KANSL1: variants seen among roughly 807,000 people sequenced by gnomAD.
KANSL1 encodes KAT8 regulatory NSL complex subunit 1.
A neutral mutation model predicts 103.6 loss-of-function variants in KANSL1; 22 were observed. That is an observed-to-expected ratio of 0.21 (90% confidence interval 0.15 to 0.30). KANSL1 has a LOEUF of 0.30. KANSL1 is among the 10% of genes least tolerant of loss of function. The pLI is 1.00. For missense variants in KANSL1, 1,337 were observed against 1,399.8 expected, an observed-to-expected ratio of 0.96 and a Z score of 0.72; for synonymous variants, 600 against 527.6, an observed-to-expected ratio of 1.14 and a Z score of -1.88.
chr17:46,113,107 G>A (rs1271715385), intron 2 of KANSL1, among the ~76,000 whole-genome samples: 2 of 152,076 alleles, frequency 1.3e-5, no homozygotes, highest in African/African-American at 4.8e-5. Context: ...GACATTTTTT[G>A]TTGTCACAAC....
chr17:46,078,700 C>T (rs2078878183), intron 4 of KANSL1, among the ~76,000 whole-genome samples: 1 of 152,224 alleles, frequency 6.6e-6, no homozygotes, highest in Non-Finnish European at 1.5e-5. Flanking sequence ...TAGTAATATG[C>T]ACAGGTTCCA....
At position 46,031,350 on chromosome 17, in the gene KANSL1, TA is replaced by T; in HGVS notation, c.*125del. 1 of 886,894 alleles carries T rather than the reference TA, an allele frequency of 1.1e-6. No homozygotes were observed. Among genetic ancestry groups the T allele is most frequent in the Non-Finnish European group, 1.7e-6 (1 of 594,086 alleles). 54.9% of individuals were successfully genotyped at this position (886,894 alleles called of 1,614,324 possible). The stretch of plus-strand genomic sequence containing the variant: ...GAAAAAAAAATACCAAAGTAGGATC[TA>T]AATTCCTTAAGTTCACTAAAAACTG... On this transcript the variant is annotated 3_prime_UTR_variant, in exon 15 of 15. Transcript: ENST00000432791.
intron 2 of KANSL1, chr17:46,156,807 G>C (rs990505057): frequency 6.5e-6 from 1 of 152,714 alleles, no homozygotes; most frequent in African/African-American, 2.4e-5. Flanking sequence ...GCTGAGGCAG[G>C]AGAATCGCTT....
chr17:46,166,767 T>G (rs376081547), intron 2 of KANSL1, among the ~76,000 whole-genome samples: 1 of 152,058 alleles, frequency 6.6e-6, no homozygotes, highest in East Asian at 1.9e-4. Context: ...TTTCCAGATG[T>G]CAATAGGAAA....
chr17:46,108,836 T>C (rs1299710588), intron 2 of KANSL1, among the ~76,000 whole-genome samples: 1 of 152,240 alleles, frequency 6.6e-6, no homozygotes, highest in East Asian at 1.9e-4. Context: ...AACTCTGGCC[T>C]CTAATGCTGA....
At chr17:46,140,099 T>C (rs972447683) in intron 2 of KANSL1, among the ~76,000 whole-genome samples, 5 of 152,144 alleles carry the variant, frequency 3.3e-5, no homozygotes, top group Non-Finnish European at 5.9e-5. Flanking sequence ...AAATAATCAC[T>C]GTTAGCACTC....
chr17:46,099,106 G>A (rs1404011079), intron 2 of KANSL1, among the ~76,000 whole-genome samples: 8 of 114,056 alleles, frequency 7.0e-5, no homozygotes, highest in African/African-American at 2.6e-5. Context: ...GGCGGATCAC[G>A]AGGTCAGGAG....
At chr17:46,053,056 G>C (rs542230985) in intron 6 of KANSL1, among the ~76,000 whole-genome samples, 2 of 149,548 alleles carry the variant, frequency 1.3e-5, no homozygotes, top group Admixed American at 6.7e-5. Flanking sequence ...GGGAGGCCAA[G>C]GTGGGTGGAT....
chr17:46,217,470 TAA>T (rs34158594), intron 1 of KANSL1, among the ~76,000 whole-genome samples: 7 of 140,104 alleles, frequency 5.0e-5, no homozygotes, highest in Non-Finnish European at 9.2e-5. Flanking sequence ...AGAGAGACTC[TAA>T]AAAAAAAAAA....
intron 2 of KANSL1, among the ~76,000 whole-genome samples, chr17:46,103,736 C>CA (rs980567795): frequency 2.0e-5 from 3 of 152,110 alleles, no homozygotes; most frequent in African/African-American, 7.2e-5. Context: ...GATAATTTGA[C>CA]ACCTCTAGGC....
intron 8 of KANSL1, 169 bp downstream of exon 8, chr17:46,039,533 C>T: frequency 1.4e-6 from 1 of 732,664 alleles, no homozygotes; most frequent in Non-Finnish European, 2.2e-6. Flanking sequence ...CTCCCGAAGT[C>T]CATCTGAGAG....
At chr17:46,126,947 G>A (rs1193476246) in intron 2 of KANSL1, among the ~76,000 whole-genome samples, 1 of 152,180 alleles carries the variant, frequency 6.6e-6, no homozygotes, top group African/African-American at 2.4e-5. Flanking sequence ...GTAACATCCA[G>A]CTGGATTATG....
At chr17:46,186,368 A>G (rs1170998099) in intron 1 of KANSL1, among the ~76,000 whole-genome samples, 3 of 150,586 alleles carry the variant, frequency 2.0e-5, no homozygotes, top group Non-Finnish European at 4.4e-5. Flanking sequence ...TGGGGCACAG[A>G]GCGAGACTGT....
At position 46,082,462 on chromosome 17, in the gene KANSL1, T is replaced by C. The variant is rs1483287405; in HGVS notation, c.1512A>G (p.Thr504=). The C allele has an allele frequency of 3.7e-6, 6 of 1,610,310 alleles. No individual in the cohort carries two copies. In the South Asian group the frequency reaches 6.6e-5, roughly 18 times the overall value. Residue 504 remains threonine (T), a synonymous_variant, in exon 4 of 15, where the codon ACA becomes ACG. Coordinates refer to ENST00000432791, the MANE Select transcript of KANSL1 (RefSeq NM_015443.4). ...LFLPLSSEVK[T]DHGTDKLIES... ...TTACCAATTTATCAGTCCCATGATCTGTCTTCACCTCAGAACTAAGTGGAA... is the reference window on the plus strand; with the variant it reads ...TTACCAATTTATCAGTCCCATGATCCGTCTTCACCTCAGAACTAAGTGGAA...
At chr17:46,149,631 T>C (rs1454418327) in intron 2 of KANSL1, among the ~76,000 whole-genome samples, 1 of 152,270 alleles carries the variant, frequency 6.6e-6, no homozygotes, top group African/African-American at 2.4e-5. Context: ...ATACAGGGCA[T>C]AGTCTGTTGA....
chr17:46,185,692 T>TATACACACACAC (rs754864409), intron 1 of KANSL1, among the ~76,000 whole-genome samples: 6 of 144,312 alleles, frequency 4.2e-5, no homozygotes, highest in African/African-American at 1.4e-4. Context: ...CACACATATA[T>TATACACACACAC]ACACACACAC....
At chr17:46,153,881 C>T (rs1256763132) in intron 2 of KANSL1, among the ~76,000 whole-genome samples, 1 of 152,232 alleles carries the variant, frequency 6.6e-6, no homozygotes, top group South Asian at 2.1e-4. Context: ...AAAAGTTGAA[C>T]AGCACAACAG....
intron 7 of KANSL1, chr17:46,045,252 T>A (rs1192729576): frequency 6.6e-6 from 1 of 152,170 alleles, no homozygotes; most frequent in African/African-American, 2.4e-5. Context: ...GAGTTGGCTA[T>A]CTCTGCACCC....
intron 4 of KANSL1, among the ~76,000 whole-genome samples, chr17:46,071,954 C>G (rs2078591930): frequency 6.6e-6 from 1 of 152,038 alleles, no homozygotes. Context: ...TTAAAGGTAG[C>G]AAGGAGGGTT....
Sources: gnomAD v4.1 joint callset for allele counts (sites outside exome capture counted in the v4.1 genomes callset) on GRCh38, gnomAD v4.1.1 for gene constraint, MANE v1.5 for transcripts, NCBI Gene and HGNC (gene_info 2026-07-23, HGNC 2026-07-21) for gene names.